The following COL5A2 variants were observed in gnomAD, a reference collection of about 807,000 sequenced individuals.
The protein encoded by COL5A2 is collagen type V alpha 2 chain.
A neutral mutation model predicts 208.2 loss-of-function variants in COL5A2; 23 were observed. That is an observed-to-expected ratio of 0.11 (90% confidence interval 0.08 to 0.16). The LOEUF (loss-of-function observed/expected upper bound fraction) is 0.16, where lower values mean the gene tolerates loss of function less well. Ranked by LOEUF, COL5A2 falls within the 10% of genes least tolerant of loss-of-function variation. The pLI is 1.00. For synonymous variants in COL5A2, 625 were observed against 628.5 expected, an observed-to-expected ratio of 0.99 and a Z score of 0.08; for missense variants, 1,590 against 1,956.4, an observed-to-expected ratio of 0.81 and a Z score of 3.53.
At chr2:189,187,576 G>A (rs1346136540) in intron 1 of COL5A2, among the ~76,000 whole-genome samples, 2 of 152,168 alleles carry the variant, frequency 1.3e-5, no homozygotes, top group Non-Finnish European at 2.9e-5. Context: ...CTCTTGGAAC[G>A]ATTTCTGGCA....
chr2:189,068,361 A>C lies in COL5A2; in HGVS notation c.1258-91T>G, dbSNP rs184264860. 8,819 of 1,111,186 alleles carry C rather than the reference A, an allele frequency of 7.9e-3. 52 individuals carry two copies. The highest frequency in any genetic ancestry group is 9.5e-3 in the Non-Finnish European group (6,871 of 726,572). 68.8% of individuals were successfully genotyped at this position (1,111,186 alleles called of 1,614,324 possible). A position where few individuals can be genotyped will look rare whatever the true frequency, so the allele number is the denominator to read the frequency against. ...TACAGATGTCCAGCCATCTTCAAAA[A>C]GGAAGTAGAAGCATTTTTTAAAAAT... On this transcript the variant is annotated intron_variant, in intron 19 of 53. Coordinates refer to ENST00000374866, the MANE Select transcript of COL5A2 (RefSeq NM_000393.5).
At chr2:189,149,892 AC>A (rs1387768498) in intron 1 of COL5A2, among the ~76,000 whole-genome samples, 2 of 152,164 alleles carry the variant, frequency 1.3e-5, no homozygotes, top group Admixed American at 1.3e-4. Flanking sequence ...TTAAAATAGA[AC>A]CTTTTATTTA....
chr2:189,240,236 T>C, the COL5A2 span, among the ~76,000 whole-genome samples: 5 of 152,300 alleles, frequency 3.3e-5, no homozygotes, highest in South Asian at 6.2e-4. Flanking sequence ...TTGTTTCTTA[T>C]AGTTCTGGTG....
At chr2:189,056,817 C>T (rs986710326) in intron 35 of COL5A2, 156 bp downstream of exon 35, 7 of 744,868 alleles carry the variant, frequency 9.4e-6, no homozygotes, top group Admixed American at 5.6e-5. Flanking sequence ...ATGAATAAAC[C>T]GTGGTTGAAT....
At chr2:189,435,841 C>G in the COL5A2 span, among the ~76,000 whole-genome samples, 4 of 152,202 alleles carry the variant, frequency 2.6e-5, no homozygotes, top group Admixed American at 2.0e-4. Context: ...ATACCCAAAG[C>G]ATTATAAATC....
At chr2:189,280,521 A>T in the COL5A2 span, among the ~76,000 whole-genome samples, 1 of 152,158 alleles carries the variant, frequency 6.6e-6, no homozygotes, top group African/African-American at 2.4e-5. Flanking sequence ...AATTTGTATT[A>T]TACAGGTCTT....
In COL5A2 at chr2:189,092,407, G is replaced by A. The variant is rs144754622; in HGVS notation, c.470C>T (p.Pro157Leu). 10 of 1,596,388 alleles carry A rather than the reference G, an allele frequency of 6.3e-6. No homozygotes were observed. Among genetic ancestry groups the A allele is most frequent in the Non-Finnish European group, 8.5e-6 (10 of 1,169,982 alleles). The change falls in exon 7 of 54, where the codon CCT becomes CTT. Residue 157 changes from proline to leucine, a missense_variant. Transcript: ENST00000374866. ...GPKGRPGPRG[P>L]QGIDGEPGVP... ...ACCTGGTTCTCCATCAATTCCCTGA[G>A]GTCCACGAGGGCCCTGGAAAACAAG... is the stretch of plus-strand genomic sequence containing the variant.
intron 33 of COL5A2, 78 bp downstream of exon 33, chr2:189,058,351 G>A: frequency 1.8e-6 from 2 of 1,093,504 alleles, no homozygotes; most frequent in Admixed American, 1.7e-5. Context: ...CAAGACAAAT[G>A]CATTCTCACA....
chr2:189,042,257 A>T (rs1685577561), intron 49 of COL5A2, among the ~76,000 whole-genome samples: 1 of 152,192 alleles, frequency 6.6e-6, no homozygotes, highest in African/African-American at 2.4e-5. Flanking sequence ...CTAATGGAGA[A>T]TTTCTAAAAG....
chr2:189,263,929 T>G, the COL5A2 span, among the ~76,000 whole-genome samples: 1 of 152,128 alleles, frequency 6.6e-6, no homozygotes, highest in Non-Finnish European at 1.5e-5. Flanking sequence ...AACTATACTT[T>G]CAAGTTCAAA....
At chr2:189,415,861 C>T in the COL5A2 span, among the ~76,000 whole-genome samples, 2 of 152,046 alleles carry the variant, frequency 1.3e-5, no homozygotes, top group African/African-American at 2.4e-5. Flanking sequence ...GGGGTTTCAT[C>T]GTGTTAGCCA....
At chr2:189,355,700 A>T in the COL5A2 span, among the ~76,000 whole-genome samples, 2 of 152,168 alleles carry the variant, frequency 1.3e-5, no homozygotes, top group Non-Finnish European at 2.9e-5. Flanking sequence ...TCTCCTGAAT[A>T]TAGCACACTA....
At chr2:189,036,939 G>GAAAAAAAAA in intron 51 of COL5A2, 136 bp from the exon 52 acceptor site, 2 of 727,264 alleles carry the variant, frequency 2.8e-6, no homozygotes, top group South Asian at 3.7e-5. Context: ...TGCCCCTTAC[G>GAAAAAAAAA]AAAAAAGTAA....
At chr2:189,319,985 G>C in the COL5A2 span, among the ~76,000 whole-genome samples, 1 of 152,340 alleles carries the variant, frequency 6.6e-6, no homozygotes, top group Admixed American at 6.5e-5. Context: ...GGAATGATCA[G>C]ACAGCAACAT....
At chr2:189,324,388 A>G in the COL5A2 span, among the ~76,000 whole-genome samples, 1 of 152,128 alleles carries the variant, frequency 6.6e-6, no homozygotes, top group Admixed American at 6.5e-5. Flanking sequence ...AACCTACAGA[A>G]TGGGAGAAAA....
chr2:189,177,726 C>G (rs1053528257), intron 1 of COL5A2, among the ~76,000 whole-genome samples: 4 of 152,094 alleles, frequency 2.6e-5, no homozygotes, highest in Non-Finnish European at 5.9e-5. Flanking sequence ...GCATCACATT[C>G]CTTACATTTA....
At chr2:189,102,517 C>T (rs191204729) in intron 3 of COL5A2, among the ~76,000 whole-genome samples, 44 of 152,058 alleles carry the variant, frequency 2.9e-4, no homozygotes, top group Admixed American at 1.7e-3. Flanking sequence ...GAATAATGGT[C>T]TGTCTAAAGT....
At chr2:189,439,557 C>T in the COL5A2 span, among the ~76,000 whole-genome samples, 7 of 152,334 alleles carry the variant, frequency 4.6e-5, no homozygotes, top group African/African-American at 1.4e-4. Context: ...TGCACTAGCC[C>T]TATTCTGCCT....
chr2:189,063,131 G>C lies in COL5A2; in HGVS notation c.1869+41C>G, dbSNP rs368326696. Reference sequence around the variant, plus strand: ...CAAAAACATACCTCCTCCAAATGAGGATCATGATGAGGTGGCCAACATATT... The same window carrying C: ...CAAAAACATACCTCCTCCAAATGAGCATCATGATGAGGTGGCCAACATATT... On this transcript the variant is annotated intron_variant, in intron 27 of 53. Transcript: ENST00000374866. The C allele has an allele frequency of 1.9e-6, 3 of 1,609,298 alleles. No homozygotes were observed. The South Asian group carries it at 3.3e-5, about 18-fold the overall frequency.
Sources: gnomAD v4.1 joint callset for allele counts (sites outside exome capture counted in the v4.1 genomes callset) on GRCh38, gnomAD v4.1.1 for gene constraint, MANE v1.5 for transcripts, NCBI Gene and HGNC (gene_info 2026-07-23, HGNC 2026-07-21) for gene names.